MAP4K4: variants seen among roughly 807,000 people sequenced by gnomAD.
MAP4K4 encodes the protein mitogen-activated protein kinase kinase kinase kinase 4.
MAP4K4 carries 38 observed loss-of-function variants against 189.6 expected under a neutral mutation model. The ratio of observed to expected loss-of-function variants is 0.20; its 90% CI spans 0.15 to 0.26. MAP4K4 has a LOEUF of 0.26. MAP4K4 is among the 10% of genes least tolerant of loss of function. MAP4K4 has a pLI of 1.00. For missense variants in MAP4K4, 1,054 were observed against 1,726.9 expected (o/e 0.61, Z 6.91); for synonymous variants, 610 against 624.3 (o/e 0.98, Z 0.34).
At position 101,734,541 on chromosome 2, in the gene MAP4K4, T is replaced by C. The variant is rs1398189086; in HGVS notation, c.123+36003T>C. On this transcript the variant is annotated intron_variant, in intron 2 of 32. Transcript: ENST00000324219. ...CAGATACATACCAGTTCAGCCATCATTAGTTTGTCAAAAGCTAGTGCTTGG... is the reference window on the plus strand; with the variant it reads ...CAGATACATACCAGTTCAGCCATCACTAGTTTGTCAAAAGCTAGTGCTTGG... Among the ~76,000 whole-genome samples the C allele has an allele frequency of 2.0e-5, 3 of 152,024 alleles. No individual in the cohort carries two copies. The East Asian group carries it at 5.8e-4, about 30-fold the overall frequency.
At chr2:101,829,664 C>A in intron 6 of MAP4K4, 70 bp downstream of exon 6, 1 of 1,057,566 alleles carries the variant, frequency 9.5e-7, no homozygotes, top group Non-Finnish European at 1.4e-6. Flanking sequence ...CCCAGTTCTG[C>A]TTCCATCTAG....
chr2:101,799,956 T>C (rs552359116), intron 3 of MAP4K4, among the ~76,000 whole-genome samples: 71 of 152,182 alleles, frequency 4.7e-4, no homozygotes, highest in African/African-American at 1.4e-3. Context: ...ACATGTTCAT[T>C]TATGTGTATG....
At chr2:101,851,475 G>C (rs774150586) in intron 12 of MAP4K4, among the ~76,000 whole-genome samples, 15 of 152,096 alleles carry the variant, frequency 9.9e-5, no homozygotes, top group Non-Finnish European at 1.9e-4. Flanking sequence ...TGGTGTGTAT[G>C]TTTCAGTTTT....
chr2:101,814,846 C>T (rs956711818), intron 3 of MAP4K4, among the ~76,000 whole-genome samples: 3 of 151,910 alleles, frequency 2.0e-5, no homozygotes, highest in African/African-American at 7.3e-5. Context: ...GCTTAAGAAG[C>T]GAAAGTGGAG....
intron 2 of MAP4K4, among the ~76,000 whole-genome samples, chr2:101,728,374 C>G (rs931599734): frequency 6.6e-6 from 1 of 152,166 alleles, no homozygotes; most frequent in Non-Finnish European, 1.5e-5. Flanking sequence ...CTGGAGACCA[C>G]ACTTTGAGAT....
At chr2:101,873,667 A>C in exon 25 of MAP4K4, 5 of 1,608,424 alleles carry the variant, frequency 3.1e-6, no homozygotes, top group Non-Finnish European at 4.3e-6. Context: ...CTAGTAGCAC[A>C]CTCCAGAAAC....
At position 101,771,184 on chromosome 2, in the gene MAP4K4, T is replaced by C. The variant is rs114694555; in HGVS notation, c.124-19536T>C. Reference sequence around the variant, plus strand: ...AGCCTGTCCTAAGGTTGGGGGATGGTGGAGGGGAGCTATTTATAAAACCCA... The same window carrying C: ...AGCCTGTCCTAAGGTTGGGGGATGGCGGAGGGGAGCTATTTATAAAACCCA... On this transcript the variant is annotated intron_variant, in intron 2 of 32. Transcript: ENST00000324219. 5.8e-3 allele frequency among the ~76,000 whole-genome samples: 889 copies of C among 152,246 alleles called. 6 individuals carry two copies. Among genetic ancestry groups the C allele is most frequent in the Non-Finnish European group, 8.9e-3 (607 of 67,994 alleles).
At chr2:101,736,660 T>A (rs1411762325) in intron 2 of MAP4K4, among the ~76,000 whole-genome samples, 1 of 152,216 alleles carries the variant, frequency 6.6e-6, no homozygotes, top group Non-Finnish European at 1.5e-5. Flanking sequence ...TTTTTCTGAT[T>A]GTCCTGTACA....
chr2:101,724,264 A>G (rs1407584805), intron 2 of MAP4K4, among the ~76,000 whole-genome samples: 1 of 152,170 alleles, frequency 6.6e-6, no homozygotes, highest in Non-Finnish European at 1.5e-5. Flanking sequence ...ATGACAGGCA[A>G]ACAGGCAAAG....
At chr2:101,887,980 C>T in intron 31 of MAP4K4, 43 bp downstream of exon 31, 1 of 1,518,410 alleles carries the variant, frequency 6.6e-7, no homozygotes, top group Non-Finnish European at 8.9e-7. Flanking sequence ...GAAAATGGAG[C>T]CGTGTCTGAG....
intron 8 of MAP4K4, among the ~76,000 whole-genome samples, chr2:101,834,760 T>A (rs1336873214): frequency 2.6e-5 from 4 of 152,236 alleles, no homozygotes; most frequent in Non-Finnish European, 5.9e-5. Flanking sequence ...GTAAGTTTTC[T>A]TTTTACATTT....
At chr2:101,712,588 C>T (rs2046222902) in intron 2 of MAP4K4, among the ~76,000 whole-genome samples, 1 of 152,110 alleles carries the variant, frequency 6.6e-6, no homozygotes, top group Non-Finnish European at 1.5e-5. Context: ...CAACCTCCAT[C>T]TCCCAGGTTC....
chr2:101,791,099 G>A (rs2092814079), intron 3 of MAP4K4, among the ~76,000 whole-genome samples: 1 of 152,262 alleles, frequency 6.6e-6, no homozygotes, highest in South Asian at 2.1e-4. Flanking sequence ...AGGGATCATG[G>A]AGGTCACATG....
intron 28 of MAP4K4, among the ~76,000 whole-genome samples, chr2:101,884,892 T>A (rs555798422): frequency 3.3e-5 from 5 of 152,220 alleles, no homozygotes; most frequent in Non-Finnish European, 7.3e-5. Context: ...ACTAAGCCCT[T>A]GAAGACTTCA....
At chr2:101,737,654 C>G (rs1434683924) in intron 2 of MAP4K4, among the ~76,000 whole-genome samples, 1 of 151,256 alleles carries the variant, frequency 6.6e-6, no homozygotes, top group Non-Finnish European at 1.5e-5. Context: ...AATCTGTTCC[C>G]TTTCCATTCT....
chr2:101,748,252 C>T (rs1029840273), intron 2 of MAP4K4, among the ~76,000 whole-genome samples: 1 of 152,000 alleles, frequency 6.6e-6, no homozygotes, highest in African/African-American at 2.4e-5. Context: ...AAGGAAGCAC[C>T]CTAAATAGAT....
chr2:101,822,371 G>T (rs1206197717), intron 3 of MAP4K4, among the ~76,000 whole-genome samples: 1 of 152,088 alleles, frequency 6.6e-6, no homozygotes, highest in Admixed American at 6.6e-5. Flanking sequence ...TGACTAAAAC[G>T]TTATGTAGTG....
chr2:101,755,943 T>C lies in MAP4K4; in HGVS notation c.124-34777T>C, dbSNP rs972302911. Among the ~76,000 whole-genome samples, 529 of 131,434 alleles carry C rather than the reference T, an allele frequency of 4.0e-3. 5 individuals are homozygous for C. The highest frequency in any genetic ancestry group is 0.014 in the African/African-American group (495 of 34,366). 86.2% of individuals were successfully genotyped at this position (131,434 alleles called of 152,430 possible). ...GAGTTCTTTTTCTTTTTTTTTTTTT[T>C]TTTTTTTTTTTTTTTGAGACAGCGT... On this transcript the variant is annotated intron_variant, in intron 2 of 32. Transcript: ENST00000324219.
Position 101,802,748 on chromosome 2 carries a change from C to T in MAP4K4, c.180+11972C>T, listed in dbSNP as rs187972691. Among the ~76,000 whole-genome samples, 533 of 152,214 alleles carry T rather than the reference C, an allele frequency of 3.5e-3. 2 individuals are homozygous for T. Among genetic ancestry groups the T allele is most frequent in the African/African-American group, 0.012 (518 of 41,534 alleles). On this transcript the variant is annotated intron_variant, in intron 3 of 32. Transcript: ENST00000324219. ...CCACCATGCCACTAACTGCCTGTCT[C>T]CCAAGAATATAACCTCCATACATAG... is the stretch of plus-strand genomic sequence containing the variant.
Sources: gnomAD v4.1 joint callset for allele counts (sites outside exome capture counted in the v4.1 genomes callset) on GRCh38, gnomAD v4.1.1 for gene constraint, MANE v1.5 for transcripts, NCBI Gene and HGNC (gene_info 2026-07-23, HGNC 2026-07-21) for gene names.